Variants in NLGN1 observed in about 807,000 individuals in gnomAD.
The protein encoded by NLGN1 is neuroligin 1.
NLGN1 carries 12 observed loss-of-function variants against 65.5 expected under a neutral mutation model. The observed-to-expected ratio is 0.18, with a 90% confidence interval of 0.12 to 0.30. NLGN1 has a LOEUF of 0.30. Among genes scored for constraint, NLGN1 ranks in the 10% least tolerant of loss-of-function variants. The pLI, the probability that NLGN1 is intolerant of heterozygous loss-of-function variation, is 1.00. For missense variants in NLGN1, 750 were observed against 1,007.1 expected (o/e 0.74, Z 3.46); for synonymous variants, 350 against 359.5 (o/e 0.97, Z 0.30).
chr3:173,772,407 C>G (rs1051280797), intron 3 of NLGN1, among the ~76,000 whole-genome samples: 1 of 151,864 alleles, frequency 6.6e-6, no homozygotes, highest in Admixed American at 6.6e-5. Flanking sequence ...CACCTGAGGT[C>G]AGAAGTTTGA....
intron 4 of NLGN1, among the ~76,000 whole-genome samples, chr3:173,997,932 T>C (rs1722587696): frequency 6.6e-6 from 1 of 152,088 alleles, no homozygotes; most frequent in Non-Finnish European, 1.5e-5. Context: ...TTTAATATTA[T>C]TCGCATTCAA....
chr3:174,262,685 T>C (rs1339822355), intron 4 of NLGN1, among the ~76,000 whole-genome samples: 2 of 150,648 alleles, frequency 1.3e-5, no homozygotes, highest in Non-Finnish European at 3.0e-5. Context: ...TCTATTTCCT[T>C]CAGTTCTGCT....
chr3:173,933,868 T>C (rs1187008502), intron 4 of NLGN1, among the ~76,000 whole-genome samples: 2 of 152,032 alleles, frequency 1.3e-5, no homozygotes, highest in Non-Finnish European at 2.9e-5. Context: ...TTCAGTTTGG[T>C]TTGGGTAATT....
At chr3:173,984,221 G>C (rs925471223) in intron 4 of NLGN1, among the ~76,000 whole-genome samples, 6 of 152,166 alleles carry the variant, frequency 3.9e-5, no homozygotes, top group African/African-American at 1.4e-4. Flanking sequence ...GGGGACCATA[G>C]CTTTGGCTCC....
chr3:173,612,714 T>C (rs1269715657), intron 3 of NLGN1, among the ~76,000 whole-genome samples: 3 of 152,090 alleles, frequency 2.0e-5, no homozygotes, highest in African/African-American at 4.8e-5. Context: ...TTGTATCGCT[T>C]TGGTGAATTG....
intron 2 of NLGN1, among the ~76,000 whole-genome samples, chr3:173,554,660 A>C (rs1428766444): frequency 6.6e-6 from 1 of 152,228 alleles, no homozygotes; most frequent in African/African-American, 2.4e-5. Flanking sequence ...ACAATTTATC[A>C]GTTCCCATGG....
rs186530920 is a variant in NLGN1 at position 174,238,841 on chromosome 3, G to A, written c.647-36474G>A. On this transcript the variant is annotated intron_variant, in intron 4 of 6. Coordinates refer to ENST00000457714, the Ensembl canonical transcript of NLGN1. ...TAAAGATAAGCACTCACTCTCATTTGTACAGATAATAAGATGATATCAACT... is the reference window on the plus strand; with the variant it reads ...TAAAGATAAGCACTCACTCTCATTTATACAGATAATAAGATGATATCAACT... Among the ~76,000 whole-genome samples the A allele has an allele frequency of 5.1e-4, 78 of 152,088 alleles. 1 individual carries two copies. Among genetic ancestry groups the A allele is most frequent in the Middle Eastern group, 3.4e-3 (1 of 294 alleles).
intron 2 of NLGN1, among the ~76,000 whole-genome samples, chr3:173,444,537 G>A (rs1719815570): frequency 2.0e-5 from 3 of 152,082 alleles, no homozygotes. Flanking sequence ...ATACAAATGT[G>A]TGGATTTTGG....
At chr3:173,730,320 G>GCCCCCCCCC (rs1440876299) in intron 3 of NLGN1, among the ~76,000 whole-genome samples, 5 of 27,712 alleles carry the variant, frequency 1.8e-4, no homozygotes, top group Non-Finnish European at 3.2e-4. Context: ...CTGCCCCACC[G>GCCCCCCCCC]CTCCCCCCCC....
intron 3 of NLGN1, among the ~76,000 whole-genome samples, chr3:173,725,099 G>A (rs1771545811): frequency 6.6e-6 from 1 of 151,976 alleles, no homozygotes; most frequent in African/African-American, 2.4e-5. Context: ...AATGGGTGCA[G>A]CACACCAACA....
intron 4 of NLGN1, among the ~76,000 whole-genome samples, chr3:174,133,825 T>A (rs1720665092): frequency 6.6e-6 from 1 of 151,658 alleles, no homozygotes; most frequent in Non-Finnish European, 1.5e-5. Context: ...TTTCTCACAA[T>A]GGAGTATTTC....
chr3:173,882,802 T>G (rs1733590039), intron 4 of NLGN1, among the ~76,000 whole-genome samples: 1 of 152,268 alleles, frequency 6.6e-6, no homozygotes, highest in Non-Finnish European at 1.5e-5. Flanking sequence ...CAAGAACATT[T>G]TATTTGTATT....
intron 2 of NLGN1, among the ~76,000 whole-genome samples, chr3:173,465,680 G>A (rs1371609238): frequency 6.6e-6 from 1 of 152,074 alleles, no homozygotes; most frequent in Admixed American, 6.6e-5. Context: ...ACAATAAGCT[G>A]AAAAAGATGA....
chr3:173,889,108 A>G (rs1274241653), intron 4 of NLGN1, among the ~76,000 whole-genome samples: 4 of 152,300 alleles, frequency 2.6e-5, no homozygotes, highest in East Asian at 1.9e-4. Flanking sequence ...CCATAAATGT[A>G]TGAGCATTTT....
intron 4 of NLGN1, among the ~76,000 whole-genome samples, chr3:173,959,126 C>T (rs1712906145): frequency 1.3e-5 from 2 of 152,168 alleles, no homozygotes; most frequent in Admixed American, 6.5e-5. Context: ...GCAGCTGTGC[C>T]CAGGAGGGCA....
chr3:173,826,621 G>A (rs541866916), intron 4 of NLGN1, among the ~76,000 whole-genome samples: 68 of 152,178 alleles, frequency 4.5e-4, no homozygotes, highest in African/African-American at 1.6e-3. Flanking sequence ...GGCTTCTGCC[G>A]AGGGTGTTAA....
intron 2 of NLGN1, among the ~76,000 whole-genome samples, chr3:173,524,417 A>G (rs1434379244): frequency 1.3e-5 from 2 of 152,164 alleles, no homozygotes; most frequent in Non-Finnish European, 2.9e-5. Context: ...TAGATTTTGT[A>G]TCCTGAAACT....
At chr3:173,514,869 T>G (rs77533517) in intron 2 of NLGN1, among the ~76,000 whole-genome samples, 2 of 152,248 alleles carry the variant, frequency 1.3e-5, no homozygotes, top group Non-Finnish European at 1.5e-5. Flanking sequence ...AGTATTTTAT[T>G]GTATGCATAT....
chr3:174,223,255 G>A (rs141066930), intron 4 of NLGN1, among the ~76,000 whole-genome samples: 46 of 152,146 alleles, frequency 3.0e-4, no homozygotes, highest in Admixed American at 2.6e-3. Flanking sequence ...CCAAATTACC[G>A]TGCCAATTCT....
Sources: gnomAD v4.1 joint callset for allele counts (sites outside exome capture counted in the v4.1 genomes callset) on GRCh38, gnomAD v4.1.1 for gene constraint, MANE v1.5 for transcripts, NCBI Gene and HGNC (gene_info 2026-07-23, HGNC 2026-07-21) for gene names.